LHFPL3: variants seen among roughly 807,000 people sequenced by gnomAD.
LHFPL3 encodes LHFPL tetraspan subfamily member 3 protein.
In LHFPL3, 5 loss-of-function variants were observed where a neutral mutation model predicts 19.3. The ratio of observed to expected loss-of-function variants is 0.26; its 90% CI spans 0.14 to 0.54. LHFPL3 has a LOEUF of 0.54. Ranked by LOEUF, LHFPL3 falls within the 20% of genes least tolerant of loss-of-function variation. The pLI is 0.94. For missense variants in LHFPL3, 249 were observed against 307.4 expected (o/e 0.81, Z 1.42); for synonymous variants, 133 against 126.2 (o/e 1.05, Z -0.36).
intron 1 of LHFPL3, among the ~76,000 whole-genome samples, chr7:104,694,229 G>A (rs920013745): frequency 3.9e-5 from 6 of 152,126 alleles, no homozygotes; most frequent in Admixed American, 1.3e-4. Flanking sequence ...AGTGGTTTCT[G>A]ACCACTCACC....
At chr7:104,889,033 G>T (rs1463080589) in intron 2 of LHFPL3, among the ~76,000 whole-genome samples, 6 of 152,112 alleles carry the variant, frequency 3.9e-5, no homozygotes. Context: ...AGAAGTAAAG[G>T]TATACCTATT....
At chr7:104,627,014 T>A (rs1791557585) in intron 1 of LHFPL3, among the ~76,000 whole-genome samples, 1 of 152,212 alleles carries the variant, frequency 6.6e-6, no homozygotes, top group Non-Finnish European at 1.5e-5. Context: ...TCTTAGCAAT[T>A]TTTAAGTATA....
intron 1 of LHFPL3, among the ~76,000 whole-genome samples, chr7:104,424,070 C>G (rs541717593): frequency 6.6e-6 from 1 of 152,102 alleles, no homozygotes; most frequent in Non-Finnish European, 1.5e-5. Flanking sequence ...TCGTATCACT[C>G]GACTAGTGCT....
chr7:104,774,600 C>T (rs186097366), intron 2 of LHFPL3, among the ~76,000 whole-genome samples: 1,646 of 152,338 alleles, frequency 0.011, 10 homozygotes, highest in Non-Finnish European at 0.016. Context: ...GTGGTTAAAT[C>T]TCAGTAAAGC....
At chr7:104,832,616 T>C (rs1790975249) in intron 2 of LHFPL3, among the ~76,000 whole-genome samples, 2 of 76,788 alleles carry the variant, frequency 2.6e-5, no homozygotes, top group Admixed American at 2.3e-4. Context: ...GACATTTCTT[T>C]TTTCCTTCTT....
At chr7:104,871,636 A>G (rs1483138120) in intron 2 of LHFPL3, among the ~76,000 whole-genome samples, 2 of 152,172 alleles carry the variant, frequency 1.3e-5, no homozygotes, top group Non-Finnish European at 2.9e-5. Context: ...TGTAAAACAC[A>G]CACACATCGT....
At chr7:104,370,314 G>A (rs1180893931) in intron 1 of LHFPL3, among the ~76,000 whole-genome samples, 3 of 152,184 alleles carry the variant, frequency 2.0e-5, no homozygotes, top group Admixed American at 1.3e-4. Context: ...TTGCTGCACC[G>A]ACTGGATAAG....
intron 1 of LHFPL3, among the ~76,000 whole-genome samples, chr7:104,490,913 C>T (rs1022659529): frequency 6.6e-6 from 1 of 152,124 alleles, no homozygotes; most frequent in East Asian, 1.9e-4. Context: ...GTTAAAAGAG[C>T]CACAGCCATC....
intron 1 of LHFPL3, among the ~76,000 whole-genome samples, chr7:104,517,410 TATTA>T (rs1339290154): frequency 4.6e-5 from 7 of 151,084 alleles, no homozygotes; most frequent in African/African-American, 1.5e-4. Flanking sequence ...TATGTTATAT[TATTA>T]ATTATATCAA....
chr7:104,529,682 T>C (rs138751875), intron 1 of LHFPL3, among the ~76,000 whole-genome samples: 143 of 152,262 alleles, frequency 9.4e-4, no homozygotes, highest in African/African-American at 2.6e-3. Context: ...AATGGCACAG[T>C]TGGATATAGA....
chr7:104,699,590 G>A (rs1395134216), intron 1 of LHFPL3, among the ~76,000 whole-genome samples: 3 of 152,158 alleles, frequency 2.0e-5, no homozygotes. Flanking sequence ...GCTTCAGTTG[G>A]GGAAGATGAA....
At chr7:104,381,330 G>A (rs1447068387) in intron 1 of LHFPL3, among the ~76,000 whole-genome samples, 2 of 152,066 alleles carry the variant, frequency 1.3e-5, no homozygotes, top group Admixed American at 1.3e-4. Flanking sequence ...CTACTATTGG[G>A]CTTCTAGTAT....
chr7:104,902,322 C>T (rs886194621), intron 2 of LHFPL3, among the ~76,000 whole-genome samples: 13 of 151,298 alleles, frequency 8.6e-5, no homozygotes, highest in Non-Finnish European at 1.6e-4. Context: ...TGGTAGAGGC[C>T]ACAGTGAGCT....
intron 1 of LHFPL3, among the ~76,000 whole-genome samples, chr7:104,451,563 TA>T (rs1460792288): frequency 6.6e-6 from 1 of 152,156 alleles, no homozygotes; most frequent in Non-Finnish European, 1.5e-5. Flanking sequence ...TAAAAATGGG[TA>T]ATCATACCAC....
At chr7:104,596,040 C>T (rs1344050350) in intron 1 of LHFPL3, among the ~76,000 whole-genome samples, 1 of 152,252 alleles carries the variant, frequency 6.6e-6, no homozygotes, top group East Asian at 1.9e-4. Flanking sequence ...CCCCACCCTG[C>T]TTTGGCTCAC....
chr7:104,428,612 G>C (rs1231966148), intron 1 of LHFPL3, among the ~76,000 whole-genome samples: 1 of 152,166 alleles, frequency 6.6e-6, no homozygotes, highest in African/African-American at 2.4e-5. Context: ...TCAAGCCTAA[G>C]TCGTGGCTTA....
intron 2 of LHFPL3, among the ~76,000 whole-genome samples, chr7:104,741,065 C>T (rs1020573395): frequency 3.9e-5 from 6 of 152,112 alleles, no homozygotes; most frequent in African/African-American, 1.2e-4. Context: ...ATAAATTAAT[C>T]GTCACAAAGG....
At chr7:104,864,040 T>G (rs946925158) in intron 2 of LHFPL3, among the ~76,000 whole-genome samples, 2 of 152,234 alleles carry the variant, frequency 1.3e-5, no homozygotes, top group African/African-American at 4.8e-5. Flanking sequence ...CTGTTAGCTA[T>G]TATTCTTTAC....
At chr7:104,890,805 C>T (rs1792229866) in intron 2 of LHFPL3, among the ~76,000 whole-genome samples, 2 of 152,032 alleles carry the variant, frequency 1.3e-5, no homozygotes, top group Non-Finnish European at 2.9e-5. Flanking sequence ...ATGTGGCTCC[C>T]GGGAGGGGGC....
Sources: allele counts gnomAD v4.1 joint callset (sites outside exome capture counted in the v4.1 genomes callset), GRCh38; gene constraint gnomAD v4.1.1; transcripts MANE v1.5; gene names NCBI Gene and HGNC (gene_info 2026-07-23, HGNC 2026-07-21).